Variants in PAK5 observed in about 807,000 individuals in gnomAD.
The protein encoded by PAK5 is serine/threonine-protein kinase PAK 5.
A neutral mutation model predicts 65.9 loss-of-function variants in PAK5; 16 were observed. The ratio of observed to expected loss-of-function variants is 0.24; its 90% CI spans 0.16 to 0.37. PAK5 has a LOEUF of 0.37. Ranked by LOEUF, PAK5 falls within the 10% of genes least tolerant of loss-of-function variation. PAK5 has a pLI of 1.00. For synonymous variants in PAK5, 371 were observed against 354.9 expected, an observed-to-expected ratio of 1.05 and a Z score of -0.51; for missense variants, 785 against 903.9, an observed-to-expected ratio of 0.87 and a Z score of 1.69.
chr20:9,751,548 T>C (rs2048577326), intron 1 of PAK5, among the ~76,000 whole-genome samples: 1 of 152,086 alleles, frequency 6.6e-6, no homozygotes, highest in African/African-American at 2.4e-5. Context: ...TTCTTCTCCA[T>C]TTGGAAAACG....
At chr20:9,620,490 G>A (rs903658212) in intron 3 of PAK5, among the ~76,000 whole-genome samples, 2 of 152,174 alleles carry the variant, frequency 1.3e-5, no homozygotes, top group Non-Finnish European at 2.9e-5. Flanking sequence ...TGGGCAGTTG[G>A]ACCAGCAAGG....
At position 9,570,176 on chromosome 20, in the gene PAK5, T is replaced by C. The variant is rs1159997144; in HGVS notation, c.991-3792A>G. 2.0e-5 allele frequency among the ~76,000 whole-genome samples: 3 copies of C among 152,138 alleles called. No individual in the cohort carries two copies. In the East Asian group the frequency reaches 5.8e-4, roughly 29 times the overall value. On this transcript the variant is annotated intron_variant, in intron 4 of 9. Coordinates refer to ENST00000353224, the MANE Select transcript of PAK5 (RefSeq NM_177990.4). ...AATACATATCAAAGTATTCAAACAATGACTGGCCAGTAAGTTCTACTTGGT... is the reference window on the plus strand; with the variant it reads ...AATACATATCAAAGTATTCAAACAACGACTGGCCAGTAAGTTCTACTTGGT...
chr20:9,643,184 G>C lies in PAK5; in HGVS notation c.204+941C>G, dbSNP rs187817453. On this transcript the variant is annotated intron_variant, in intron 3 of 9. Coordinates refer to ENST00000353224, the MANE Select transcript of PAK5 (RefSeq NM_177990.4). ...AGATGTCTACTAATATAATGAACAAGGAAAGAATCTGAACTTCAAGCTTTG... is the reference window on the plus strand; with the variant it reads ...AGATGTCTACTAATATAATGAACAACGAAAGAATCTGAACTTCAAGCTTTG... Among the ~76,000 whole-genome samples the C allele has an allele frequency of 2.3e-3, 345 of 152,286 alleles. 4 individuals carry two copies. Among genetic ancestry groups the C allele is most frequent in the African/African-American group, 8.0e-3 (334 of 41,554 alleles).
intron 1 of PAK5, among the ~76,000 whole-genome samples, chr20:9,797,210 A>G (rs918242054): frequency 4.0e-5 from 6 of 151,702 alleles, no homozygotes; most frequent in African/African-American, 1.5e-4. Flanking sequence ...GTCTGTTCAT[A>G]TCCTTCACCC....
rs145330968 is a variant in PAK5, at chr20:9,815,485, G to T, written c.-162+23277C>A. Among the ~76,000 whole-genome samples, 10 of 152,166 alleles carry T rather than the reference G, an allele frequency of 6.6e-5. No homozygotes were observed. The East Asian group carries it at 1.7e-3, about 26-fold the overall frequency. ...TACAAATCCATACACTCAGGTTTGG[G>T]CCATCCTCATTGCTCCATCCCCTAA... On this transcript the variant is annotated intron_variant, in intron 1 of 9. Transcript: ENST00000353224.
At chr20:9,826,673 G>A (rs1403296436) in intron 1 of PAK5, among the ~76,000 whole-genome samples, 2 of 152,106 alleles carry the variant, frequency 1.3e-5, no homozygotes, top group Non-Finnish European at 2.9e-5. Context: ...GGGATCACTC[G>A]CTTTGATTTA....
chr20:9,738,426 A>G (rs565164228), intron 1 of PAK5, among the ~76,000 whole-genome samples: 12 of 152,346 alleles, frequency 7.9e-5, no homozygotes, highest in African/African-American at 2.9e-4. Flanking sequence ...ATGTCCATCA[A>G]CAGGTGAATG....
intron 2 of PAK5, among the ~76,000 whole-genome samples, chr20:9,648,015 A>T (rs751986821): frequency 1.6e-4 from 25 of 152,120 alleles, no homozygotes; most frequent in Non-Finnish European, 2.9e-4. Context: ...CTTCTCTCTG[A>T]TGTGCTCATG....
chr20:9,622,126 C>G (rs2046778247), intron 3 of PAK5, among the ~76,000 whole-genome samples: 1 of 152,128 alleles, frequency 6.6e-6, no homozygotes, highest in Non-Finnish European at 1.5e-5. Context: ...CACTCATTAG[C>G]AAAACCAAAA....
Position 9,711,380 on chromosome 20 carries a change from T to C in PAK5, c.-106A>G, listed in dbSNP as rs920200022. The C allele has an allele frequency of 1.3e-5, 2 of 152,300 alleles. No individual in the cohort carries two copies. Among genetic ancestry groups the C allele is most frequent in the East Asian group, 1.9e-4 (1 of 5,196 alleles). The allele number at this position is 152,300 out of a possible 1,614,324, so 9.4% of individuals were successfully genotyped here. On this transcript the variant is annotated 5_prime_UTR_variant, in exon 2 of 10. It removes an upstream start codon present in the reference 5' UTR. Coordinates refer to ENST00000353224, the MANE Select transcript of PAK5 (RefSeq NM_177990.4). ...CGCTGGTGCTTGTCAGTCTTCTTCA[T>C]TTTTCCTCAGTGTTCATTTTAGCAA...
At chr20:9,791,583 A>G (rs547951291) in intron 1 of PAK5, among the ~76,000 whole-genome samples, 34 of 152,222 alleles carry the variant, frequency 2.2e-4, no homozygotes, top group Admixed American at 9.2e-4. Flanking sequence ...CCACCTGTGC[A>G]TCAGGCTGGA....
chr20:9,692,159 A>G (rs1482113318), intron 2 of PAK5, among the ~76,000 whole-genome samples: 2 of 152,070 alleles, frequency 1.3e-5, no homozygotes, highest in Non-Finnish European at 2.9e-5. Context: ...GAGCATAGTC[A>G]GAATTTTTCA....
chr20:9,639,888 G>T (rs2047028898), intron 3 of PAK5, among the ~76,000 whole-genome samples: 1 of 152,206 alleles, frequency 6.6e-6, no homozygotes, highest in African/African-American at 2.4e-5. Flanking sequence ...CACAGAACAT[G>T]ATGTGTTACC....
intron 7 of PAK5, among the ~76,000 whole-genome samples, chr20:9,552,957 G>A (rs1225897424): frequency 2.6e-5 from 4 of 151,962 alleles, no homozygotes; most frequent in African/African-American, 9.7e-5. Flanking sequence ...GAACTACTGG[G>A]CTCAAGCAAT....
intron 3 of PAK5, among the ~76,000 whole-genome samples, chr20:9,629,569 C>T (rs1479437350): frequency 1.3e-5 from 2 of 152,020 alleles, no homozygotes; most frequent in Non-Finnish European, 2.9e-5. Context: ...AGTGATCCTC[C>T]TGCCTTGGCC....
chr20:9,832,793 G>A (rs1043032038), intron 1 of PAK5, among the ~76,000 whole-genome samples: 2 of 152,110 alleles, frequency 1.3e-5, no homozygotes, highest in African/African-American at 4.8e-5. Flanking sequence ...TTAAACGTGT[G>A]CATTGGTCTT....
At chr20:9,732,971 T>TA (rs2048349874) in intron 1 of PAK5, among the ~76,000 whole-genome samples, 2 of 152,228 alleles carry the variant, frequency 1.3e-5, no homozygotes, top group African/African-American at 4.8e-5. Context: ...TTACCAATAC[T>TA]GTTGGAACTA....
At chr20:9,748,222 G>T (rs2123607835) in intron 1 of PAK5, among the ~76,000 whole-genome samples, 1 of 152,214 alleles carries the variant, frequency 6.6e-6, no homozygotes, top group South Asian at 2.1e-4. Context: ...CCATGCTCAT[G>T]GGTAGGAAGA....
intron 2 of PAK5, among the ~76,000 whole-genome samples, chr20:9,682,140 G>A (rs772382230): frequency 8.2e-4 from 125 of 152,132 alleles, no homozygotes; most frequent in Non-Finnish European, 1.7e-3. Context: ...GGCGGATCAC[G>A]AGGTCAGGAG....
Sources: gnomAD v4.1 joint callset for allele counts (sites outside exome capture counted in the v4.1 genomes callset) on GRCh38, gnomAD v4.1.1 for gene constraint, MANE v1.5 for transcripts, NCBI Gene and HGNC (gene_info 2026-07-23, HGNC 2026-07-21) for gene names.